Variants in CLIP3 observed in about 807,000 individuals in gnomAD.
The protein encoded by CLIP3 is CAP-Gly domain-containing linker protein 3.
In CLIP3, 15 loss-of-function variants were observed where a neutral mutation model predicts 59.4. The ratio of observed to expected loss-of-function variants is 0.25; its 90% CI spans 0.17 to 0.39. The LOEUF (loss-of-function observed/expected upper bound fraction) is 0.39, where lower values mean the gene tolerates loss of function less well. Ranked by LOEUF, CLIP3 falls within the 10% of genes least tolerant of loss-of-function variation. The pLI, the probability that CLIP3 is intolerant of heterozygous loss-of-function variation, is 1.00. For synonymous variants in CLIP3, 300 were observed against 321.6 expected (o/e 0.93, Z 0.72); for missense variants, 495 against 765.7 (o/e 0.65, Z 4.17).
intron 2 of CLIP3, among the ~76,000 whole-genome samples, chr19:36,027,790 G>A (rs1367161670): frequency 2.6e-5 from 4 of 152,182 alleles, no homozygotes; most frequent in African/African-American, 4.8e-5. Flanking sequence ...ATCCCAATGC[G>A]TTGGGAGGCT....
At chr19:36,018,560 C>T (rs921090249) in intron 9 of CLIP3, among the ~76,000 whole-genome samples, 63 of 134,726 alleles carry the variant, frequency 4.7e-4, no homozygotes, top group African/African-American at 1.8e-3. Flanking sequence ...CCAGCCTGGG[C>T]AACAAGGCGA....
At chr19:36,019,609 T>A (rs1968902119) in intron 7 of CLIP3, among the ~76,000 whole-genome samples, 1 of 145,156 alleles carries the variant, frequency 6.9e-6, no homozygotes. Flanking sequence ...TTTTATTTAT[T>A]TTTTTTTTTT....
chr19:36,024,355 C>G (rs1421030212), intron 7 of CLIP3, 41 bp downstream of exon 7: 1 of 1,553,880 alleles, frequency 6.4e-7, no homozygotes, highest in Non-Finnish European at 8.8e-7. Context: ...GGCTGAGTCC[C>G]ACCCCCACCC....
At chr19:36,018,846 C>T in intron 9 of CLIP3, 52 bp downstream of exon 9, 4 of 1,580,834 alleles carry the variant, frequency 2.5e-6, no homozygotes, top group South Asian at 1.2e-5. Flanking sequence ...CTGAGCTACC[C>T]ACACAACATC....
At position 36,026,265 on chromosome 19, in the gene CLIP3, A is replaced by G; in HGVS notation, c.563T>C (p.Val188Ala). 6.2e-7 allele frequency: 1 copy of G among 1,610,606 alleles called. No individual in the cohort carries two copies. Among genetic ancestry groups the G allele is most frequent in the Non-Finnish European group, 8.5e-7 (1 of 1,177,652 alleles). ...RVLLKGARPR[V>A]VNSTCSDFNH... Reference sequence around the variant, plus strand: ...GAAGTCACTGCACGTGGAGTTCACCACTGGAAGTGGGCAAGAGGAGGGGTT... The same window carrying G: ...GAAGTCACTGCACGTGGAGTTCACCGCTGGAAGTGGGCAAGAGGAGGGGTT... The change falls in exon 6 of 14, where the codon GTG (valine) becomes GCG (alanine). Residue 188 changes from valine (V) to alanine (A), a missense_variant and splice_region_variant. By Grantham distance (64) the Val-to-Ala change is moderately conservative. This residue lies in a region of CLIP3 where 194 missense variants were observed against 327.8 expected (regional missense o/e 0.59). Coordinates refer to ENST00000360535, the MANE Select transcript of CLIP3 (RefSeq NM_015526.3). This position sits in a 1 kb window ranked among gnomAD's most constrained non-coding sequence, Gnocchi z 6.3.
chr19:36,019,281 G>T lies in CLIP3; in HGVS notation c.944C>A (p.Thr315Asn). ...QKTGTLRFCG[T>N]TEFASGQWVG... ...CCACTGGCCGCTGGCAAACTCCGTG[G>T]TCCCACAGAACCGCAGTGTGCCCGT... Residue 315 changes from threonine to asparagine, a missense_variant, in exon 8 of 14, where the codon ACC (threonine) becomes AAC (asparagine). Transcript: ENST00000360535. The T allele has an allele frequency of 6.2e-7, 1 of 1,613,310 alleles. No individual in the cohort carries two copies. The highest frequency in any genetic ancestry group is 1.3e-5 in the African/African-American group (1 of 75,054).
At position 36,015,905 on chromosome 19, in the gene CLIP3, G is replaced by T; in HGVS notation, c.*253C>A. The T allele has an allele frequency of 1.8e-6, 1 of 563,258 alleles. No individual in the cohort carries two copies. The highest frequency in any genetic ancestry group is 3.0e-5 in the Admixed American group (1 of 32,888). The allele number at this position is 563,258 out of a possible 1,614,324, so 34.9% of individuals were successfully genotyped here. ...ATCTGTTAATCTGGGAATCTGCTCT[G>T]AGGGGTTGGGGATAGGGACTAGCCT... On this transcript the variant is annotated 3_prime_UTR_variant, in exon 14 of 14. Transcript: ENST00000360535.
Position 36,017,725 on chromosome 19 carries a change from CAG to C in CLIP3, c.1379_1380del (p.Ser460CysfsTer30). 1 of 1,614,192 alleles carries C rather than the reference CAG, an allele frequency of 6.2e-7. No individual in the cohort carries two copies. The highest frequency in any genetic ancestry group is 8.5e-7 in the Non-Finnish European group (1 of 1,180,050). ...CAAGTGAAGTACCGGACACCGAAGA[CAG>C]AGCCATCATGCTTGCCTGTGGGCTG... ...LDQPTGKHDG[S>X]VFGVRYFTCP... On this transcript the variant is annotated frameshift_variant, in exon 11 of 14. Coordinates refer to ENST00000360535, the MANE Select transcript of CLIP3 (RefSeq NM_015526.3). LOFTEE classifies it high-confidence loss of function.
intron 6 of CLIP3, among the ~76,000 whole-genome samples, chr19:36,025,378 G>A (rs111972333): frequency 1.3e-5 from 2 of 151,738 alleles, no homozygotes; most frequent in Non-Finnish European, 2.9e-5. Flanking sequence ...ATCACCTGAG[G>A]TCAGGAGCTC....
At chr19:36,024,884 G>A (rs1374683014) in intron 6 of CLIP3, among the ~76,000 whole-genome samples, 5 of 152,144 alleles carry the variant, frequency 3.3e-5, no homozygotes, top group Non-Finnish European at 7.3e-5. Context: ...TGGCCAACAT[G>A]GTGAAACCTC....
At chr19:36,019,433 C>T in intron 7 of CLIP3, 127 bp from the exon 8 acceptor site, 2 of 1,137,338 alleles carry the variant, frequency 1.8e-6, no homozygotes, top group Non-Finnish European at 2.6e-6. Context: ...TCACACATCA[C>T]CATTTGCTGG....
Position 36,015,475 on chromosome 19 carries a change from G to C in CLIP3, c.*683C>G. Reference sequence around the variant, plus strand: ...ACTGGGGGTTTCTTGAGGGTGCAGAGGGTAGGAAGACTTGGGGGGTCCTGT... The same window carrying C: ...ACTGGGGGTTTCTTGAGGGTGCAGACGGTAGGAAGACTTGGGGGGTCCTGT... On this transcript the variant is annotated 3_prime_UTR_variant, in exon 14 of 14. Coordinates refer to ENST00000360535, the MANE Select transcript of CLIP3 (RefSeq NM_015526.3). 1 of 153,222 alleles carries C rather than the reference G, an allele frequency of 6.5e-6. No individual in the cohort carries two copies. Among genetic ancestry groups the C allele is most frequent in the Non-Finnish European group, 1.5e-5 (1 of 68,486 alleles). The allele number at this position is 153,222 out of a possible 1,614,324, so 9.5% of individuals were successfully genotyped here. A position where few individuals can be genotyped will look rare whatever the true frequency, so the allele number is the denominator to read the frequency against.
chr19:36,026,898 G>A lies in CLIP3; in HGVS notation c.400+54C>T. 1 of 1,521,884 alleles carries A rather than the reference G, an allele frequency of 6.6e-7. No individual in the cohort carries two copies. Among genetic ancestry groups the A allele is most frequent in the Non-Finnish European group, 8.8e-7 (1 of 1,138,106 alleles). The allele number at this position is 1,521,884 out of a possible 1,614,324, so 94.3% of individuals were successfully genotyped here. A position where few individuals can be genotyped will look rare whatever the true frequency, so the allele number is the denominator to read the frequency against. Reference sequence around the variant, plus strand: ...AGTTCTGGGTGGTTTTCAGCGTGTTGGGTCTGGGGGCCTAGGCTTTGGGGC... The same window carrying A: ...AGTTCTGGGTGGTTTTCAGCGTGTTAGGTCTGGGGGCCTAGGCTTTGGGGC... On this transcript the variant is annotated intron_variant, in intron 4 of 13. Coordinates refer to ENST00000360535, the MANE Select transcript of CLIP3 (RefSeq NM_015526.3). The surrounding 1 kb of genome is among the most constrained non-coding windows in gnomAD (Gnocchi z 6.3).
chr19:36,019,388 G>A (rs760484085), intron 7 of CLIP3, 82 bp from the exon 8 acceptor site: 2 of 1,527,602 alleles, frequency 1.3e-6, no homozygotes, highest in Non-Finnish European at 8.8e-7. Flanking sequence ...CAGCAAGGTG[G>A]GTTGCATGAG....
intron 6 of CLIP3, among the ~76,000 whole-genome samples, chr19:36,025,483 CG>C (rs2145403875): frequency 6.6e-6 from 1 of 151,302 alleles, no homozygotes; most frequent in East Asian, 2.0e-4. Context: ...TCTACCTACT[CG>C]GGAGGCTGAG....
intron 2 of CLIP3, among the ~76,000 whole-genome samples, chr19:36,031,023 C>CTTTTTTTTTTTTTTTTTTTTTT (rs55762943): frequency 3.0e-4 from 24 of 80,162 alleles, no homozygotes; most frequent in East Asian, 4.3e-4. Flanking sequence ...TTTTTTTTTT[C>CTTTTTTTTTTTTTTTTTTTTTT]TTTTTTTTTT....
chr19:36,031,029 T>TG, intron 2 of CLIP3, among the ~76,000 whole-genome samples: 1 of 122,002 alleles, frequency 8.2e-6, no homozygotes, highest in Admixed American at 8.0e-5. Context: ...TTTTCTTTTT[T>TG]TTTTTTTTTT....
Position 36,015,996 on chromosome 19 carries a change from A to T in CLIP3, c.*162T>A. 1.4e-6 allele frequency: 1 copy of T among 705,876 alleles called. No individual in the cohort carries two copies. 43.7% of individuals were successfully genotyped at this position (705,876 alleles called of 1,614,324 possible). A position where few individuals can be genotyped will look rare whatever the true frequency, so the allele number is the denominator to read the frequency against. ...GTCTGTATTTGGGGGTTATTATGGG[A>T]GTATCTGTTAATAATGGGGCCTCAA... On this transcript the variant is annotated 3_prime_UTR_variant, in exon 14 of 14. Transcript: ENST00000360535.
intron 2 of CLIP3, among the ~76,000 whole-genome samples, chr19:36,031,003 C>CTT (rs1568545487): frequency 4.8e-5 from 3 of 62,854 alleles, no homozygotes; most frequent in African/African-American, 2.2e-4. Flanking sequence ...TTCTTTTTTT[C>CTT]TTTTCTTTTT....
Sources: gnomAD v4.1 joint callset for allele counts (sites outside exome capture counted in the v4.1 genomes callset) on GRCh38, gnomAD v4.1.1 for gene constraint, gnomAD v4.1.1 regional missense constraint, Gnocchi (gnomAD v3.1) non-coding constraint, MANE v1.5 for transcripts, NCBI Gene and HGNC (gene_info 2026-07-23, HGNC 2026-07-21) for gene names.